The following EPN2 variants were observed in gnomAD, a reference collection of about 807,000 sequenced individuals.
EPN2 encodes the protein epsin 2.
In EPN2, 34 loss-of-function variants were observed where a neutral mutation model predicts 61.7. That is an observed-to-expected ratio of 0.55 (90% CI 0.42 to 0.73). The LOEUF is 0.73. Among genes scored for constraint, EPN2 ranks in the 30% least tolerant of loss-of-function variants. EPN2 has a pLI of 0.00. For synonymous variants in EPN2, 349 were observed against 353.6 expected, an observed-to-expected ratio of 0.99 and a Z score of 0.15; for missense variants, 714 against 839.2, an observed-to-expected ratio of 0.85 and a Z score of 1.84.
In EPN2 at chr17:19,237,957, C is replaced by T. The variant is rs898365357; in HGVS notation, c.-294+426C>T. Among the ~76,000 whole-genome samples the T allele has an allele frequency of 3.3e-5, 5 of 152,260 alleles. No homozygotes were observed. In the East Asian group the frequency reaches 9.6e-4, roughly 29 times the overall value. On this transcript the variant is annotated intron_variant, in intron 1 of 10. Transcript: ENST00000314728. The stretch of plus-strand genomic sequence containing the variant: ...AGCCCGGCGCCCCTTCCTCCTGAGC[C>T]CAGCCTGGTCTCCCGCCAGCCCCCG...
intron 1 of EPN2, among the ~76,000 whole-genome samples, chr17:19,280,551 C>G (rs2045349973): frequency 6.6e-6 from 1 of 152,166 alleles, no homozygotes; most frequent in Non-Finnish European, 1.5e-5. Context: ...GATTCCTTGA[C>G]ATATTTGAGG....
chr17:19,304,372 G>A (rs2152228204), intron 4 of EPN2, among the ~76,000 whole-genome samples: 1 of 152,342 alleles, frequency 6.6e-6, no homozygotes, highest in South Asian at 2.1e-4. Flanking sequence ...GAACTTAGCT[G>A]AACTAGAGAA....
At chr17:19,324,431 T>C (rs1264365492) in intron 7 of EPN2, among the ~76,000 whole-genome samples, 1 of 152,206 alleles carries the variant, frequency 6.6e-6, no homozygotes, top group African/African-American at 2.4e-5. Context: ...CCTCCCGGGT[T>C]CAAGCAATTC....
At chr17:19,261,671 G>A (rs924781117) in intron 1 of EPN2, among the ~76,000 whole-genome samples, 1 of 152,130 alleles carries the variant, frequency 6.6e-6, no homozygotes, top group Admixed American at 6.6e-5. Flanking sequence ...ACACATTTTC[G>A]GTATGAACTT....
chr17:19,246,677 C>G (rs142182592), intron 1 of EPN2, among the ~76,000 whole-genome samples: 10 of 149,852 alleles, frequency 6.7e-5, no homozygotes, highest in Non-Finnish European at 1.5e-4. Context: ...CCCTTCCGCC[C>G]CCCCCAAAAA....
At chr17:19,333,493 A>G (rs1281990719) in intron 10 of EPN2, among the ~76,000 whole-genome samples, 1 of 152,198 alleles carries the variant, frequency 6.6e-6, no homozygotes, top group Non-Finnish European at 1.5e-5. Context: ...AGCTGCATCA[A>G]CTTCTTGACT....
At chr17:19,268,096 C>G (rs2045218300) in intron 1 of EPN2, among the ~76,000 whole-genome samples, 1 of 152,184 alleles carries the variant, frequency 6.6e-6, no homozygotes, top group African/African-American at 2.4e-5. Context: ...GGTTCTCACT[C>G]TGCCCGCAGA....
At chr17:19,306,545 G>A (rs751545141) in intron 4 of EPN2, among the ~76,000 whole-genome samples, 2 of 152,210 alleles carry the variant, frequency 1.3e-5, no homozygotes, top group Non-Finnish European at 2.9e-5. Flanking sequence ...TGCCAGCTGT[G>A]CGTTATTCTA....
At chr17:19,291,164 T>C (rs934369953) in intron 4 of EPN2, among the ~76,000 whole-genome samples, 2 of 152,168 alleles carry the variant, frequency 1.3e-5, no homozygotes, top group African/African-American at 4.8e-5. Context: ...AAAGCCAGGA[T>C]TGTATACAGT....
chr17:19,301,559 C>G (rs1166433192), intron 4 of EPN2, among the ~76,000 whole-genome samples: 1 of 152,194 alleles, frequency 6.6e-6, no homozygotes, highest in Non-Finnish European at 1.5e-5. Flanking sequence ...CTAGACCAGT[C>G]AAGTGGCATC....
rs765315785 is a variant in EPN2 at position 19,313,173 on chromosome 17, G to A, written c.1041G>A (p.Ala347=). 9 of 1,613,422 alleles carry A rather than the reference G, an allele frequency of 5.6e-6. No individual in the cohort carries two copies. Among genetic ancestry groups the A allele is most frequent in the Admixed American group, 1.7e-5 (1 of 59,922 alleles). The change falls in exon 7 of 11, where the codon GCG becomes GCA. Residue 347 remains alanine (A), a synonymous_variant. Transcript: ENST00000314728. ...ATGCTCTCCCCAGCTCGGGCCCCGCGGCCCAGAAAGCAGAGCCCTGGGGCC... is the reference window on the plus strand; with the variant it reads ...ATGCTCTCCCCAGCTCGGGCCCCGCAGCCCAGAAAGCAGAGCCCTGGGGCC... ...LMDALPSSGP[A]AQKAEPWGPS...
At chr17:19,239,885 TTC>T (rs2044864433) in intron 1 of EPN2, among the ~76,000 whole-genome samples, 3 of 152,310 alleles carry the variant, frequency 2.0e-5, no homozygotes, top group Non-Finnish European at 2.9e-5. Context: ...TTTGTAGAAA[TTC>T]TCTGTTATCA....
At chr17:19,300,717 C>T (rs11868255) in intron 4 of EPN2, among the ~76,000 whole-genome samples, 11,950 of 152,202 alleles carry the variant, frequency 0.079, 1,611 homozygotes, top group African/African-American at 0.27. Flanking sequence ...CATGAGCCAC[C>T]GGCACCCGGC....
At chr17:19,265,448 G>C (rs1250291386) in intron 1 of EPN2, among the ~76,000 whole-genome samples, 1 of 151,938 alleles carries the variant, frequency 6.6e-6, no homozygotes, top group Non-Finnish European at 1.5e-5. Flanking sequence ...CTATTCGTTG[G>C]TGGTCATTAG....
rs2045391324 is a variant in EPN2 at position 19,285,030 on chromosome 17, C to T, written c.596-590C>T. 2.0e-5 allele frequency among the ~76,000 whole-genome samples: 3 copies of T among 152,210 alleles called. No homozygotes were observed. The highest frequency in any genetic ancestry group is 2.0e-4 in the Admixed American group (3 of 15,288). On this transcript the variant is annotated intron_variant, in intron 3 of 10. Transcript: ENST00000314728. This position sits in a 1 kb window ranked among gnomAD's most constrained non-coding sequence, Gnocchi z 4.5. Reference sequence around the variant, plus strand: ...ATTGCACCAAAACAAATGAAGATTGCCCTTTAAGAAGTGAAATTGTTTTAT... The same window carrying T: ...ATTGCACCAAAACAAATGAAGATTGTCCTTTAAGAAGTGAAATTGTTTTAT...
Position 19,312,110 on chromosome 17 carries a change from G to T in EPN2, c.938G>T (p.Arg313Leu). 1 of 1,614,132 alleles carries T rather than the reference G, an allele frequency of 6.2e-7. No homozygotes were observed. The highest frequency in any genetic ancestry group is 8.5e-7 in the Non-Finnish European group (1 of 1,179,948). Reference protein sequence around the residue: ...LRLQMALEESRRDTVKIPKKK... With the variant: ...LRLQMALEESLRDTVKIPKKK... The stretch of plus-strand genomic sequence containing the variant: ...TTACAGATGGCCCTGGAAGAAAGCC[G>T]AAGGGACACAGTTAAAATTCCAAAA... Residue 313 changes from arginine (R) to leucine (L), a missense_variant, in exon 6 of 11, where the codon CGA (arginine) becomes CTA (leucine). Physicochemically the swap from Arg to Leu is moderately radical, Grantham distance 102 (BLOSUM62 -2). This residue lies in a region of EPN2 where 410 missense variants were observed against 421.8 expected (regional missense o/e 0.97). Coordinates refer to ENST00000314728, the MANE Select transcript of EPN2 (RefSeq NM_014964.5).
chr17:19,270,463 G>T (rs1048392184), intron 1 of EPN2, among the ~76,000 whole-genome samples: 1 of 152,190 alleles, frequency 6.6e-6, no homozygotes, highest in African/African-American at 2.4e-5. Flanking sequence ...TCATAGGGAT[G>T]CCTCTGTAGG....
chr17:19,309,139 ACT>A (rs1193336149), intron 4 of EPN2, among the ~76,000 whole-genome samples: 1 of 142,398 alleles, frequency 7.0e-6, no homozygotes, highest in African/African-American at 2.6e-5. Context: ...ACAAAGGTCA[ACT>A]CTTTTTTTTT....
intron 10 of EPN2, among the ~76,000 whole-genome samples, chr17:19,333,363 T>C (rs886320684): frequency 1.3e-5 from 2 of 152,144 alleles, no homozygotes; most frequent in African/African-American, 4.8e-5. Flanking sequence ...AGGGCCATTC[T>C]CCAGGCCACA....
Sources: gnomAD v4.1 joint callset for allele counts (sites outside exome capture counted in the v4.1 genomes callset) on GRCh38, gnomAD v4.1.1 for gene constraint, gnomAD v4.1.1 regional missense constraint, Gnocchi (gnomAD v3.1) non-coding constraint, MANE v1.5 for transcripts, NCBI Gene and HGNC (gene_info 2026-07-23, HGNC 2026-07-21) for gene names.